The following PUS7 variants were observed in gnomAD, a reference collection of about 807,000 sequenced individuals.
PUS7 encodes the protein pseudouridylate synthase 7 homolog.
Under a neutral mutation model 79.8 loss-of-function variants are expected in PUS7, and 48 were observed. The observed-to-expected ratio is 0.60, with a 90% confidence interval of 0.48 to 0.76. The LOEUF (loss-of-function observed/expected upper bound fraction) is 0.76, where lower values mean the gene tolerates loss of function less well. Among genes scored for constraint, PUS7 ranks in the 30% least tolerant of loss-of-function variants. The pLI is 0.00. For missense variants in PUS7, 729 were observed against 797.6 expected (o/e 0.91, Z 1.04); for synonymous variants, 286 against 272.2 (o/e 1.05, Z -0.50).
At chr7:105,458,244 G>C (rs1338847401) in intron 15 of PUS7, among the ~76,000 whole-genome samples, 1 of 152,074 alleles carries the variant, frequency 6.6e-6, no homozygotes, top group East Asian at 1.9e-4. Flanking sequence ...TTGATGATGA[G>C]AATGCCAATT....
At chr7:105,460,747 G>A (rs953742645) in intron 14 of PUS7, among the ~76,000 whole-genome samples, 4 of 150,338 alleles carry the variant, frequency 2.7e-5, no homozygotes, top group South Asian at 4.2e-4. Flanking sequence ...CCAGCTACTC[G>A]GGAGGCTGAG....
chr7:105,460,809 G>A (rs866902875), intron 14 of PUS7, among the ~76,000 whole-genome samples: 16 of 138,582 alleles, frequency 1.2e-4, no homozygotes, highest in Admixed American at 3.1e-4. Flanking sequence ...AGCCGAGATC[G>A]CGCCACTGCA....
chr7:105,477,845 C>T (rs1163971667), intron 9 of PUS7, among the ~76,000 whole-genome samples: 1 of 152,170 alleles, frequency 6.6e-6, no homozygotes, highest in Non-Finnish European at 1.5e-5. Flanking sequence ...GCTCTGTCAT[C>T]TAGGCCACAG....
At chr7:105,492,852 A>C (rs899485512) in intron 6 of PUS7, among the ~76,000 whole-genome samples, 1 of 151,740 alleles carries the variant, frequency 6.6e-6, no homozygotes, top group Non-Finnish European at 1.5e-5. Flanking sequence ...CATGTTGGCC[A>C]GGCTGGTCTT....
chr7:105,520,563 A>AAAT (rs1357137032), intron 1 of PUS7, among the ~76,000 whole-genome samples: 1 of 142,502 alleles, frequency 7.0e-6, no homozygotes, highest in African/African-American at 2.7e-5. Flanking sequence ...AATAAATAAA[A>AAAT]ATACAAAAAT....
intron 5 of PUS7, among the ~76,000 whole-genome samples, chr7:105,499,894 C>T (rs575766435): frequency 2.0e-5 from 3 of 152,328 alleles, no homozygotes; most frequent in African/African-American, 7.2e-5. Context: ...GGAGGACAAG[C>T]TGTCGCTGGT....
chr7:105,460,025 G>A (rs904679707), intron 14 of PUS7, among the ~76,000 whole-genome samples: 5 of 152,080 alleles, frequency 3.3e-5, no homozygotes, highest in South Asian at 2.1e-4. Flanking sequence ...TGCAAGCTCC[G>A]CCTCCCGGGT....
chr7:105,521,958 C>T (rs1358344937), intron 1 of PUS7, 94 bp downstream of exon 1: 1 of 152,580 alleles, frequency 6.6e-6, no homozygotes, highest in African/African-American at 2.4e-5. Context: ...CCTTCCCAGT[C>T]CGCACTGCCT....
rs563505680 is a variant in PUS7, at chr7:105,508,547, G to C, written c.-32-3C>G. ...TCCAAGAAAACATTTAAGAAAACCT[G>C]TTAGGAAAGAGTAGAAAGTAACAAT... On this transcript the variant is annotated splice_region_variant and splice_polypyrimidine_tract_variant and intron_variant, in intron 1 of 15. Transcript: ENST00000469408. 4 of 1,587,794 alleles carry C rather than the reference G, an allele frequency of 2.5e-6. No homozygotes were observed. The highest frequency in any genetic ancestry group is 2.7e-5 in the African/African-American group (2 of 73,930).
intron 7 of PUS7, among the ~76,000 whole-genome samples, chr7:105,489,302 CT>C (rs1824689289): frequency 6.6e-6 from 1 of 151,722 alleles, no homozygotes; most frequent in African/African-American, 2.4e-5. Flanking sequence ...CAAAAACCTT[CT>C]GTTGTGACCT....
At chr7:105,458,045 C>A (rs1268596491) in intron 15 of PUS7, 119 bp from the exon 16 acceptor site, 2 of 1,133,534 alleles carry the variant, frequency 1.8e-6, no homozygotes, top group East Asian at 5.3e-5. Context: ...ACTCCACTTC[C>A]TAGGGGGCCT....
intron 6 of PUS7, among the ~76,000 whole-genome samples, chr7:105,493,796 G>GA (rs1824894972): frequency 1.3e-5 from 2 of 151,924 alleles, no homozygotes; most frequent in South Asian, 2.1e-4. Context: ...GAGGCTTCCG[G>GA]AAAAAAAACA....
intron 12 of PUS7, among the ~76,000 whole-genome samples, chr7:105,466,746 A>G (rs562342004): frequency 0.024 from 3,568 of 146,052 alleles, 53 homozygotes; most frequent in African/African-American, 0.032. Context: ...TTTTGCTGGG[A>G]AAAAAAAAAA....
chr7:105,502,972 T>C (rs2133228523), intron 4 of PUS7, among the ~76,000 whole-genome samples: 1 of 152,278 alleles, frequency 6.6e-6, no homozygotes, highest in Middle Eastern at 3.4e-3. Context: ...AGTGCTGAGA[T>C]TACAGGCGTG....
chr7:105,458,885 T>C (rs1586078734), intron 15 of PUS7, among the ~76,000 whole-genome samples: 1 of 152,058 alleles, frequency 6.6e-6, no homozygotes, highest in African/African-American at 2.4e-5. Flanking sequence ...TTTAGACTCT[T>C]CCTGAATTTT....
chr7:105,491,844 G>T (rs1026571781), intron 6 of PUS7, among the ~76,000 whole-genome samples: 7 of 152,070 alleles, frequency 4.6e-5, no homozygotes, highest in Non-Finnish European at 7.4e-5. Flanking sequence ...ATCACCTGAG[G>T]TCAGGAGTTC....
At chr7:105,504,040 T>C (rs1292194803) in intron 4 of PUS7, among the ~76,000 whole-genome samples, 1 of 151,472 alleles carries the variant, frequency 6.6e-6, no homozygotes, top group African/African-American at 2.4e-5. Context: ...CGAGATACAC[T>C]GCAACTGCTA....
Position 105,481,099 on chromosome 7 carries a change from T to C in PUS7, c.1128A>G (p.Gly376=), listed in dbSNP as rs755195354. Residue 376 remains glycine (G), a synonymous_variant, in exon 9 of 16, where the codon GGA becomes GGG. Coordinates refer to ENST00000469408, the MANE Select transcript of PUS7 (RefSeq NM_019042.5). ...CAGCTGTGGTTCCAAATCTTTGCAT[T>C]CCATAGTAGTTAATAAATCCAATCT... ...LKEIGFINYY[G]MQRFGTTAVP... 1.9e-6 allele frequency: 3 copies of C among 1,612,866 alleles called. No homozygotes were observed. The highest frequency in any genetic ancestry group is 2.5e-6 in the Non-Finnish European group (3 of 1,179,250).
chr7:105,496,432 T>C (rs1033424229), intron 5 of PUS7, among the ~76,000 whole-genome samples: 1 of 152,154 alleles, frequency 6.6e-6, no homozygotes, highest in African/African-American at 2.4e-5. Flanking sequence ...TCTAGTTCAT[T>C]TGATTACTGT....
Sources: allele counts gnomAD v4.1 joint callset (sites outside exome capture counted in the v4.1 genomes callset), GRCh38; gene constraint gnomAD v4.1.1; transcripts MANE v1.5; gene names NCBI Gene and HGNC (gene_info 2026-07-23, HGNC 2026-07-21).